The following FOXP1 variants were observed in gnomAD, a reference collection of about 807,000 sequenced individuals.
FOXP1 encodes the protein forkhead box protein P1.
Under a neutral mutation model 98.2 loss-of-function variants are expected in FOXP1, and 15 were observed. The ratio of observed to expected loss-of-function variants is 0.15; its 90% CI spans 0.10 to 0.24. The LOEUF (loss-of-function observed/expected upper bound fraction) is 0.24. Among genes scored for constraint, FOXP1 ranks in the 10% least tolerant of loss-of-function variants. The pLI is 1.00. For synonymous variants in FOXP1, 371 were observed against 314.5 expected (o/e 1.18, Z -1.90); for missense variants, 633 against 848.5 (o/e 0.75, Z 3.15).
At chr3:71,298,521 G>A (rs1178767427) in intron 5 of FOXP1, among the ~76,000 whole-genome samples, 1 of 152,014 alleles carries the variant, frequency 6.6e-6, no homozygotes, top group Non-Finnish European at 1.5e-5. Context: ...CTCAGCAAAG[G>A]GAAGTGTCTT....
chr3:71,336,313 G>A (rs2076677498), intron 4 of FOXP1, among the ~76,000 whole-genome samples: 2 of 152,030 alleles, frequency 1.3e-5, no homozygotes, highest in South Asian at 4.1e-4. Flanking sequence ...TGCAGAATGT[G>A]CAGGTTACAC....
intron 7 of FOXP1, among the ~76,000 whole-genome samples, chr3:71,082,284 A>C (rs2054515224): frequency 6.6e-6 from 1 of 150,944 alleles, no homozygotes; most frequent in South Asian, 2.1e-4. Context: ...GTTTAAAAAA[A>C]AGAAAAAAAA....
intron 3 of FOXP1, among the ~76,000 whole-genome samples, chr3:71,483,490 C>A (rs2090435445): frequency 6.6e-6 from 1 of 152,154 alleles, no homozygotes; most frequent in Non-Finnish European, 1.5e-5. Flanking sequence ...ATCCAACCTG[C>A]CACCAGTGAG....
intron 11 of FOXP1, among the ~76,000 whole-genome samples, chr3:71,034,496 T>C (rs2047320588): frequency 6.6e-6 from 1 of 151,610 alleles, no homozygotes; most frequent in Non-Finnish European, 1.5e-5. Context: ...AAGGGGAGAA[T>C]ACCCCATAAG....
intron 4 of FOXP1, among the ~76,000 whole-genome samples, chr3:71,326,120 T>C (rs927741839): frequency 1.3e-5 from 2 of 152,140 alleles, no homozygotes; most frequent in Non-Finnish European, 2.9e-5. Flanking sequence ...ATTTTTTACA[T>C]GAAATATTAA....
intron 5 of FOXP1, among the ~76,000 whole-genome samples, chr3:71,244,562 T>G (rs2067566129): frequency 6.6e-6 from 1 of 150,646 alleles, no homozygotes; most frequent in African/African-American, 2.4e-5. Flanking sequence ...AGAGAAGAAT[T>G]GGAAGAAACA....
intron 5 of FOXP1, among the ~76,000 whole-genome samples, chr3:71,213,609 A>G (rs1253017004): frequency 6.6e-6 from 1 of 152,172 alleles, no homozygotes; most frequent in Non-Finnish European, 1.5e-5. Flanking sequence ...CAAGGTCAGA[A>G]GTTCGAGACC....
intron 7 of FOXP1, among the ~76,000 whole-genome samples, chr3:71,088,393 G>GTTTTGTTTTTTTTTTTTTTTTT: frequency 8.3e-6 from 1 of 120,150 alleles, no homozygotes; most frequent in Non-Finnish European, 1.9e-5. Context: ...ACATTGTTTT[G>GTTTTGTTTTTTTTTTTTTTTTT]TTTTTTGTTT....
chr3:71,579,183 T>C lies in FOXP1; in HGVS notation c.-298+2366A>G, dbSNP rs575946413. The stretch of plus-strand genomic sequence containing the variant: ...TGTTTACTTATCCTGTTTCCTACTT[T>C]GTTCTACTTAATTTAAAATAACATT... On this transcript the variant is annotated intron_variant, in intron 2 of 20. Coordinates refer to ENST00000649528, the MANE Select transcript of FOXP1 (RefSeq NM_001349338.3). Among the ~76,000 whole-genome samples the C allele has an allele frequency of 2.6e-5, 4 of 152,310 alleles. No individual in the cohort carries two copies. In the South Asian group the frequency reaches 8.3e-4, roughly 32 times the overall value.
At chr3:71,418,526 G>A (rs2083388991) in intron 3 of FOXP1, among the ~76,000 whole-genome samples, 1 of 152,136 alleles carries the variant, frequency 6.6e-6, no homozygotes. Context: ...ATTCAATGCT[G>A]GTTCTTTTTT....
intron 8 of FOXP1, 51 bp downstream of exon 8, chr3:71,053,585 G>A (rs997141829): frequency 1.9e-6 from 3 of 1,611,152 alleles, no homozygotes; most frequent in Non-Finnish European, 2.5e-6. Flanking sequence ...GAGTGATGGG[G>A]GCCCCTGGGT....
At chr3:71,582,048 T>C in intron 1 of FOXP1, 2 of 977,034 alleles carry the variant, frequency 2.0e-6, no homozygotes, top group South Asian at 9.5e-5. Context: ...TTAGTCCTTA[T>C]TCTCACAGGG....
intron 3 of FOXP1, among the ~76,000 whole-genome samples, chr3:71,360,086 C>T (rs1327399997): frequency 1.3e-5 from 2 of 152,216 alleles, no homozygotes; most frequent in African/African-American, 4.8e-5. Context: ...AGCCACCATG[C>T]TCGGCTTATA....
intron 5 of FOXP1, among the ~76,000 whole-genome samples, chr3:71,204,285 G>A (rs948189126): frequency 1.3e-5 from 2 of 152,188 alleles, no homozygotes; most frequent in African/African-American, 4.8e-5. Flanking sequence ...CAAACGAACT[G>A]GTTCCCTTTT....
At chr3:71,240,629 G>C (rs951074800) in intron 5 of FOXP1, among the ~76,000 whole-genome samples, 2 of 151,876 alleles carry the variant, frequency 1.3e-5, no homozygotes, top group Non-Finnish European at 2.9e-5. Flanking sequence ...TGCAACCTCC[G>C]CCTCCGGGGT....
At chr3:71,235,756 T>C (rs1055066190) in intron 5 of FOXP1, among the ~76,000 whole-genome samples, 20 of 152,036 alleles carry the variant, frequency 1.3e-4, no homozygotes, top group Admixed American at 6.5e-4. Flanking sequence ...TTAGTAGAGA[T>C]GGGGTTTCAC....
At chr3:71,293,570 C>A (rs2072985456) in intron 5 of FOXP1, among the ~76,000 whole-genome samples, 1 of 151,882 alleles carries the variant, frequency 6.6e-6, no homozygotes, top group Non-Finnish European at 1.5e-5. Context: ...TTGATAATTG[C>A]TGCAAATATT....
At chr3:71,039,178 C>T (rs1008586705) in intron 11 of FOXP1, among the ~76,000 whole-genome samples, 2 of 151,754 alleles carry the variant, frequency 1.3e-5, no homozygotes, top group African/African-American at 4.8e-5. Context: ...TTCTTTTTTG[C>T]ATGTACAATT....
At chr3:71,069,709 A>C (rs896351851) in intron 7 of FOXP1, among the ~76,000 whole-genome samples, 1 of 152,234 alleles carries the variant, frequency 6.6e-6, no homozygotes, top group African/African-American at 2.4e-5. Flanking sequence ...TGGCCCACCC[A>C]CAGGCAAACC....
Sources: gnomAD v4.1 joint callset for allele counts (sites outside exome capture counted in the v4.1 genomes callset) on GRCh38, gnomAD v4.1.1 for gene constraint, MANE v1.5 for transcripts, NCBI Gene and HGNC (gene_info 2026-07-23, HGNC 2026-07-21) for gene names.